The following PTPRG variants were observed in gnomAD, a reference collection of about 807,000 sequenced individuals.
The protein encoded by PTPRG is receptor-type tyrosine-protein phosphatase gamma.
PTPRG carries 102 observed loss-of-function variants against 165.3 expected under a neutral mutation model. The ratio of observed to expected loss-of-function variants is 0.62; its 90% CI spans 0.53 to 0.73. The LOEUF (loss-of-function observed/expected upper bound fraction) is 0.73. PTPRG is among the 30% of genes least tolerant of loss of function. The pLI, the probability that PTPRG is intolerant of heterozygous loss-of-function variation, is 0.00. For synonymous variants in PTPRG, 675 were observed against 669.5 expected (o/e 1.01, Z -0.13); for missense variants, 1,866 against 1,861.4 (o/e 1.00, Z -0.05).
chr3:62,122,317 T>C (rs1250512175), intron 5 of PTPRG, among the ~76,000 whole-genome samples: 1 of 152,190 alleles, frequency 6.6e-6, no homozygotes, highest in African/African-American at 2.4e-5. Context: ...TCTCTTGTAG[T>C]ATCAGGCAGC....
chr3:61,808,926 A>G lies in PTPRG; in HGVS notation c.190+59944A>G, dbSNP rs534484528. ...AACTGAGGTGTAGTATACCATTAAA[A>G]TTTTTAAAAAATTATTTCTACTGAA... On this transcript the variant is annotated intron_variant, in intron 2 of 29. Coordinates refer to ENST00000474889, the MANE Select transcript of PTPRG (RefSeq NM_002841.4). Among the ~76,000 whole-genome samples the G allele has an allele frequency of 1.1e-4, 16 of 150,836 alleles. No individual in the cohort carries two copies. In the South Asian group the frequency reaches 3.0e-3, roughly 28 times the overall value.
intron 1 of PTPRG, among the ~76,000 whole-genome samples, chr3:61,653,680 CA>C (rs903847707): frequency 3.0e-4 from 45 of 152,212 alleles, no homozygotes; most frequent in African/African-American, 1.1e-3. Context: ...GCCATTTTCT[CA>C]GATGTGTTGT....
At chr3:62,277,773 T>C in intron 26 of PTPRG, 94 bp downstream of exon 26, 1 of 1,472,602 alleles carries the variant, frequency 6.8e-7, no homozygotes, top group Non-Finnish European at 9.2e-7. Context: ...AGTATCCATA[T>C]ATGCTAGGGA....
chr3:61,808,266 G>T (rs940410250), intron 2 of PTPRG, among the ~76,000 whole-genome samples: 1 of 152,152 alleles, frequency 6.6e-6, no homozygotes, highest in African/African-American at 2.4e-5. Flanking sequence ...TTTTTGTTTG[G>T]TTATTTTTAA....
At chr3:61,794,696 G>A (rs538681225) in intron 2 of PTPRG, among the ~76,000 whole-genome samples, 4 of 152,196 alleles carry the variant, frequency 2.6e-5, no homozygotes, top group African/African-American at 4.8e-5. Flanking sequence ...TACAGGTTGT[G>A]TATTCTGAAA....
intron 1 of PTPRG, among the ~76,000 whole-genome samples, chr3:61,679,165 A>G (rs181698551): frequency 5.2e-4 from 79 of 152,314 alleles, no homozygotes; most frequent in African/African-American, 1.9e-3. Flanking sequence ...AAACTCCCAA[A>G]TGATACATTA....
chr3:61,590,930 T>C (rs1700553896), intron 1 of PTPRG, among the ~76,000 whole-genome samples: 1 of 152,126 alleles, frequency 6.6e-6, no homozygotes, highest in South Asian at 2.1e-4. Flanking sequence ...GCCAACATGA[T>C]GAAATACCAT....
At chr3:62,250,576 G>A (rs1481450793) in intron 15 of PTPRG, among the ~76,000 whole-genome samples, 1 of 152,292 alleles carries the variant, frequency 6.6e-6, no homozygotes, top group African/African-American at 2.4e-5. Flanking sequence ...GAAATTTAGC[G>A]TGTATGAGTA....
chr3:61,975,893 C>G (rs2040490727), intron 2 of PTPRG, among the ~76,000 whole-genome samples: 1 of 152,126 alleles, frequency 6.6e-6, no homozygotes, highest in African/African-American at 2.4e-5. Flanking sequence ...CACTGATTTG[C>G]TCTTTTTTAT....
At chr3:62,017,344 A>G (rs1212233073) in intron 4 of PTPRG, among the ~76,000 whole-genome samples, 2 of 152,034 alleles carry the variant, frequency 1.3e-5, no homozygotes, top group East Asian at 3.9e-4. Context: ...TAAATTAGTT[A>G]CTCCCAAATA....
intron 1 of PTPRG, among the ~76,000 whole-genome samples, chr3:61,696,222 C>A (rs2030580713): frequency 6.6e-6 from 1 of 152,150 alleles, no homozygotes; most frequent in Non-Finnish European, 1.5e-5. Context: ...TCTAGCCAGG[C>A]CGGGCGCGGT....
intron 17 of PTPRG, among the ~76,000 whole-genome samples, chr3:62,265,896 T>TATACAC (rs1553662684): frequency 1.1e-4 from 15 of 130,610 alleles, no homozygotes; most frequent in East Asian, 4.4e-4. Context: ...GTGCCTTATA[T>TATACAC]ACACACACAC....
At chr3:61,799,082 T>C (rs1181386751) in intron 2 of PTPRG, among the ~76,000 whole-genome samples, 2 of 152,208 alleles carry the variant, frequency 1.3e-5, no homozygotes, top group African/African-American at 4.8e-5. Flanking sequence ...ATTTTCATAA[T>C]AGTGTTATGA....
intron 2 of PTPRG, among the ~76,000 whole-genome samples, chr3:61,983,085 T>C (rs1218322619): frequency 6.6e-6 from 1 of 152,182 alleles, no homozygotes; most frequent in Non-Finnish European, 1.5e-5. Flanking sequence ...TCAACAAAGT[T>C]GAGCAGCTTT....
At chr3:62,113,583 CTT>C (rs1376923756) in intron 5 of PTPRG, among the ~76,000 whole-genome samples, 4 of 152,068 alleles carry the variant, frequency 2.6e-5, no homozygotes, top group Non-Finnish European at 5.9e-5. Context: ...ATGCAGATCA[CTT>C]TTTCTGGTTG....
rs561176460 is a variant in PTPRG, at chr3:62,235,325, G to C, written c.2375+4014G>C. The stretch of plus-strand genomic sequence containing the variant: ...TTCCAGTCTAGGGTCTGAAGGGTGA[G>C]ACAGACACCTTAAAGCCCCTGACTT... On this transcript the variant is annotated intron_variant, in intron 14 of 29. Transcript: ENST00000474889. Among the ~76,000 whole-genome samples the C allele has an allele frequency of 1.5e-4, 23 of 152,246 alleles. No homozygotes were observed. The South Asian group carries it at 4.8e-3, about 32-fold the overall frequency.
chr3:62,201,470 TTA>T, intron 10 of PTPRG, 33 bp from the exon 11 acceptor site: 2 of 1,563,994 alleles, frequency 1.3e-6, no homozygotes, highest in Non-Finnish European at 1.7e-6. Flanking sequence ...ACAAAAAAAG[TTA>T]TATTGCTTAA....
At chr3:62,260,291 G>A (rs1239283901) in intron 16 of PTPRG, among the ~76,000 whole-genome samples, 1 of 152,154 alleles carries the variant, frequency 6.6e-6, no homozygotes, top group African/African-American at 2.4e-5. Flanking sequence ...TTGGAACTGA[G>A]CAATCTGAAA....
intron 4 of PTPRG, among the ~76,000 whole-genome samples, chr3:62,010,952 C>A (rs1025855493): frequency 6.6e-6 from 1 of 152,054 alleles, no homozygotes; most frequent in African/African-American, 2.4e-5. Context: ...ACGTGGACAC[C>A]AGAGAGTGAG....
Sources: allele counts gnomAD v4.1 joint callset (sites outside exome capture counted in the v4.1 genomes callset), GRCh38; gene constraint gnomAD v4.1.1; transcripts MANE v1.5; gene names NCBI Gene and HGNC (gene_info 2026-07-23, HGNC 2026-07-21).